AP3B1: variants seen among roughly 807,000 people sequenced by gnomAD.
AP3B1 encodes adaptor related protein complex 3 subunit beta 1, also known as AP-3 complex subunit beta-1.
AP3B1 carries 61 observed loss-of-function variants against 132.5 expected under a neutral mutation model. The observed-to-expected ratio is 0.46, with a 90% CI of 0.37 to 0.57. The LOEUF (loss-of-function observed/expected upper bound fraction) is 0.57. Among genes scored for constraint, AP3B1 ranks in the 20% least tolerant of loss-of-function variants. AP3B1 has a pLI of 0.00. For missense variants in AP3B1, 1,120 were observed against 1,289.4 expected, an observed-to-expected ratio of 0.87 and a Z score of 2.01; for synonymous variants, 388 against 438.3, an observed-to-expected ratio of 0.89 and a Z score of 1.43.
At chr5:78,205,814 T>C (rs940558828) in intron 7 of AP3B1, among the ~76,000 whole-genome samples, 6 of 151,616 alleles carry the variant, frequency 4.0e-5, no homozygotes, top group Admixed American at 2.6e-4. Flanking sequence ...CACAGAATCA[T>C]GGGGATGGAG....
intron 3 of AP3B1, among the ~76,000 whole-genome samples, chr5:78,233,844 T>A (rs1315034567): frequency 6.6e-6 from 1 of 152,194 alleles, no homozygotes; most frequent in Non-Finnish European, 1.5e-5. Flanking sequence ...AACAGGGGCA[T>A]GTTCCTAACT....
chr5:78,192,642 C>CA (rs1561468761), intron 7 of AP3B1, among the ~76,000 whole-genome samples: 2 of 151,792 alleles, frequency 1.3e-5, no homozygotes, highest in African/African-American at 2.4e-5. Context: ...ACACTATCTC[C>CA]AAAAAAAGAA....
chr5:78,089,940 A>G (rs995592254), intron 21 of AP3B1, among the ~76,000 whole-genome samples: 2 of 152,232 alleles, frequency 1.3e-5, no homozygotes, highest in African/African-American at 4.8e-5. Flanking sequence ...TAATCAGGCT[A>G]CCTAATTCCC....
intron 2 of AP3B1, among the ~76,000 whole-genome samples, chr5:78,258,302 ACAATTCTATAGG>A (rs1561204597): frequency 6.6e-6 from 1 of 152,224 alleles, no homozygotes; most frequent in African/African-American, 2.4e-5. Flanking sequence ...AGGAACTCAA[ACAATTCTATAGG>A]AAAAAGTCTA....
intron 21 of AP3B1, among the ~76,000 whole-genome samples, chr5:78,096,249 G>A (rs576560174): frequency 6.6e-6 from 1 of 152,348 alleles, no homozygotes; most frequent in Admixed American, 6.5e-5. Context: ...CTAACCGCGA[G>A]TGATCCGCCA....
At chr5:78,158,766 G>A (rs374357614) in intron 13 of AP3B1, among the ~76,000 whole-genome samples, 15 of 150,934 alleles carry the variant, frequency 9.9e-5, no homozygotes, top group East Asian at 5.9e-4. Context: ...GCGCAATCTC[G>A]GCTCACTGCA....
At chr5:78,234,160 A>G (rs61287687) in intron 3 of AP3B1, among the ~76,000 whole-genome samples, 247 of 152,210 alleles carry the variant, frequency 1.6e-3, no homozygotes, top group African/African-American at 5.8e-3. Flanking sequence ...TCTATTATCA[A>G]TGTACTTTCC....
At position 78,174,489 on chromosome 5, in the gene AP3B1, C is replaced by A. The variant is rs1482029063; in HGVS notation, c.1167+1137G>T. ...GAGTTTGCTGGAGGTCCACTCCAGA[C>A]CCTGTTTGCCTGGTTATCACCAGCG... is the stretch of plus-strand genomic sequence containing the variant. On this transcript the variant is annotated intron_variant, in intron 11 of 26. Coordinates refer to ENST00000255194, the MANE Select transcript of AP3B1 (RefSeq NM_003664.5). 9.8e-5 allele frequency among the ~76,000 whole-genome samples: 15 copies of A among 152,314 alleles called. 2 individuals carry two copies. In the South Asian group the frequency reaches 3.1e-3, roughly 32 times the overall value.
chr5:78,270,665 A>G (rs1266362460), intron 1 of AP3B1, among the ~76,000 whole-genome samples: 1 of 152,166 alleles, frequency 6.6e-6, no homozygotes, highest in African/African-American at 2.4e-5. Flanking sequence ...GTCAGAACTT[A>G]CCATTTCCCA....
chr5:78,128,268 GAATA>G (rs1752548197), intron 16 of AP3B1, 108 bp from the exon 17 acceptor site: 4 of 1,023,940 alleles, frequency 3.9e-6, no homozygotes, highest in South Asian at 1.4e-5. Context: ...AAATGTCAAG[GAATA>G]AATATAGACT....
intron 7 of AP3B1, among the ~76,000 whole-genome samples, chr5:78,191,048 T>C (rs556834669): frequency 6.6e-6 from 1 of 152,194 alleles, no homozygotes; most frequent in African/African-American, 2.4e-5. Context: ...ATGCTAGTTA[T>C]GGATGCTTAA....
rs552257742 is a variant in AP3B1, at chr5:78,034,579, C to T, written c.2810-134G>A. ...GTAATGATGGCTTAAAAATTTCAAA[C>T]TAAGAATATTAAAGCAAATTACAAA... On this transcript the variant is annotated intron_variant, in intron 23 of 26. Transcript: ENST00000255194. 45 of 714,480 alleles carry T rather than the reference C, an allele frequency of 6.3e-5. No homozygotes were observed. The African/African-American group carries it at 7.7e-4, about 12-fold the overall frequency. The allele number at this position is 714,480 out of a possible 1,614,324, so 44.3% of individuals were successfully genotyped here. A position where few individuals can be genotyped will look rare whatever the true frequency, so the allele number is the denominator to read the frequency against.
chr5:78,087,425 T>C (rs1750308992), intron 22 of AP3B1: 1 of 596,516 alleles, frequency 1.7e-6, no homozygotes, highest in Non-Finnish European at 2.1e-6. Context: ...CATTCTGCAG[T>C]AGAATATTCA....
intron 7 of AP3B1, among the ~76,000 whole-genome samples, chr5:78,204,830 C>G (rs1413110012): frequency 6.6e-6 from 1 of 152,170 alleles, no homozygotes; most frequent in East Asian, 1.9e-4. Context: ...TGCCACAAAT[C>G]TTTTCTCCTG....
intron 6 of AP3B1, among the ~76,000 whole-genome samples, chr5:78,216,922 A>G (rs1325444399): frequency 1.3e-5 from 2 of 152,138 alleles, no homozygotes; most frequent in Non-Finnish European, 2.9e-5. Flanking sequence ...TCATAATGTT[A>G]GTTTCTGAAC....
At chr5:78,156,397 A>G in intron 13 of AP3B1, 30 bp from the exon 14 acceptor site, 3 of 1,411,158 alleles carry the variant, frequency 2.1e-6, no homozygotes, top group Non-Finnish European at 3.0e-6. Context: ...TTCATACTAA[A>G]TATGTATAAT....
intron 7 of AP3B1, among the ~76,000 whole-genome samples, chr5:78,210,486 T>A (rs1308309814): frequency 1.3e-5 from 2 of 152,214 alleles, no homozygotes; most frequent in Non-Finnish European, 2.9e-5. Context: ...TAAGGTTTTA[T>A]AATTGATGTA....
At chr5:78,049,024 G>C (rs888733763) in intron 22 of AP3B1, among the ~76,000 whole-genome samples, 2 of 152,128 alleles carry the variant, frequency 1.3e-5, no homozygotes, top group Admixed American at 6.5e-5. Context: ...CATATCTGTA[G>C]GTCAAAAACA....
chr5:78,253,745 T>A (rs1440729864), intron 2 of AP3B1, among the ~76,000 whole-genome samples: 3 of 151,872 alleles, frequency 2.0e-5, no homozygotes, highest in Non-Finnish European at 4.4e-5. Context: ...GGTAGACGGA[T>A]CATGAAGTCA....
Sources: allele counts gnomAD v4.1 joint callset (sites outside exome capture counted in the v4.1 genomes callset), GRCh38; gene constraint gnomAD v4.1.1; transcripts MANE v1.5; gene names NCBI Gene and HGNC (gene_info 2026-07-23, HGNC 2026-07-21).